KIAA1549L: variants seen among roughly 807,000 people sequenced by gnomAD.
KIAA1549L encodes the protein UPF0606 protein KIAA1549L.
KIAA1549L carries 88 observed loss-of-function variants against 160.7 expected under a neutral mutation model. The ratio of observed to expected loss-of-function variants is 0.55; its 90% CI spans 0.46 to 0.65. The LOEUF is 0.65. Among genes scored for constraint, KIAA1549L ranks in the 30% least tolerant of loss-of-function variants. The pLI is 0.00. For synonymous variants in KIAA1549L, 950 were observed against 976.7 expected (o/e 0.97, Z 0.51); for missense variants, 2,258 against 2,437.5 (o/e 0.93, Z 1.55).
intron 8 of KIAA1549L, among the ~76,000 whole-genome samples, chr11:33,565,197 T>C (rs1022275742): frequency 6.6e-6 from 1 of 151,948 alleles, no homozygotes; most frequent in African/African-American, 2.4e-5. Flanking sequence ...GCCTTCCAGG[T>C]GGACAGAGAG....
At chr11:33,581,340 A>G (rs1855636651) in intron 10 of KIAA1549L, among the ~76,000 whole-genome samples, 1 of 152,090 alleles carries the variant, frequency 6.6e-6, no homozygotes, top group Non-Finnish European at 1.5e-5. Context: ...TGTACGTGAG[A>G]ATAATTTATT....
At chr11:33,433,676 C>T (rs1321783304) in intron 1 of KIAA1549L, among the ~76,000 whole-genome samples, 1 of 152,100 alleles carries the variant, frequency 6.6e-6, no homozygotes, top group Admixed American at 6.5e-5. Context: ...ATAGCAAAGA[C>T]ATGGAACCAA....
intron 1 of KIAA1549L, among the ~76,000 whole-genome samples, chr11:33,526,768 A>G (rs967038694): frequency 6.6e-6 from 1 of 152,198 alleles, no homozygotes; most frequent in Non-Finnish European, 1.5e-5. Context: ...CTAAAAGACC[A>G]CATTAGCTCT....
intron 15 of KIAA1549L, 59 bp downstream of exon 15, chr11:33,610,025 C>A: frequency 1.5e-6 from 2 of 1,333,494 alleles, no homozygotes; most frequent in Non-Finnish European, 1.1e-6. Context: ...TAAGGGCAGG[C>A]CTTGGGCAGT....
At chr11:33,469,813 T>A (rs1852140751) in intron 1 of KIAA1549L, among the ~76,000 whole-genome samples, 2 of 152,232 alleles carry the variant, frequency 1.3e-5, no homozygotes, top group African/African-American at 4.8e-5. Flanking sequence ...TGTTTTTATG[T>A]CTTCTTTGGA....
chr11:33,591,860 G>GT (rs1461777467), intron 12 of KIAA1549L, among the ~76,000 whole-genome samples: 1 of 152,186 alleles, frequency 6.6e-6, no homozygotes, highest in African/African-American at 2.4e-5. Flanking sequence ...ACAAAAATGT[G>GT]TAAGATTGAT....
Position 33,544,122 on chromosome 11 carries a change from T to C in KIAA1549L, c.2559T>C (p.Ser853=). The C allele has an allele frequency of 1.2e-6, 2 of 1,613,988 alleles. No homozygotes were observed. Among genetic ancestry groups the C allele is most frequent in the Non-Finnish European group, 1.7e-6 (2 of 1,179,888 alleles). Residue 853 remains serine (S), a synonymous_variant, in exon 2 of 21, where the codon TCT becomes TCC. Transcript: ENST00000658780. The part of the protein sequence containing the change: ...PLLLTSPGPT[S]TGSLQEMLSD... ...TGCTAACCTCACCAGGACCAACTTC[T>C]ACAGGTAGCTTGCAGGAAATGCTTT... is the stretch of plus-strand genomic sequence containing the variant.
intron 1 of KIAA1549L, among the ~76,000 whole-genome samples, chr11:33,500,951 G>A (rs1852933954): frequency 1.3e-5 from 2 of 152,002 alleles, no homozygotes; most frequent in Admixed American, 1.3e-4. Flanking sequence ...TTTAGTTTGT[G>A]ATCTTATTAA....
intron 16 of KIAA1549L, among the ~76,000 whole-genome samples, chr11:33,624,417 T>G (rs541677428): frequency 2.0e-5 from 3 of 152,290 alleles, no homozygotes; most frequent in Admixed American, 2.0e-4. Flanking sequence ...GCCAAGCCCC[T>G]GCAGGAGCTG....
At chr11:33,569,634 C>T (rs1466662082) in intron 9 of KIAA1549L, among the ~76,000 whole-genome samples, 1 of 152,092 alleles carries the variant, frequency 6.6e-6, no homozygotes, top group East Asian at 1.9e-4. Context: ...ATCATCATGC[C>T]CCTGATGGAG....
intron 1 of KIAA1549L, among the ~76,000 whole-genome samples, chr11:33,462,608 T>C (rs1851962760): frequency 6.6e-6 from 1 of 152,178 alleles, no homozygotes; most frequent in Non-Finnish European, 1.5e-5. Flanking sequence ...ATTCAATGAT[T>C]AGGGGCTGGA....
In KIAA1549L at chr11:33,490,448, C is replaced by T. The variant is rs140797442; in HGVS notation, c.239-51354C>T. On this transcript the variant is annotated intron_variant, in intron 1 of 20. Coordinates refer to ENST00000658780, the MANE Select transcript of KIAA1549L (RefSeq NM_012194.3). ...AAGTGATCCTCCTACCTCAGCCTCCCGAGTAGCTGGGACCACAGGTGTGTG... is the reference window on the plus strand; with the variant it reads ...AAGTGATCCTCCTACCTCAGCCTCCTGAGTAGCTGGGACCACAGGTGTGTG... Among the ~76,000 whole-genome samples the T allele has an allele frequency of 7.0e-3, 1,065 of 151,962 alleles. 16 individuals carry two copies. Among genetic ancestry groups the T allele is most frequent in the African/African-American group, 0.025 (1,027 of 41,418 alleles).
intron 13 of KIAA1549L, among the ~76,000 whole-genome samples, chr11:33,601,546 T>G (rs900115554): frequency 6.6e-6 from 1 of 152,222 alleles, no homozygotes; most frequent in African/African-American, 2.4e-5. Flanking sequence ...CTTGCCAGCT[T>G]GCAAAAAGTA....
intron 6 of KIAA1549L, among the ~76,000 whole-genome samples, chr11:33,557,872 G>A (rs934910417): frequency 6.6e-6 from 1 of 152,102 alleles, no homozygotes; most frequent in African/African-American, 2.4e-5. Context: ...GCGGGACAGA[G>A]TGAGACCCTG....
At chr11:33,495,845 T>A (rs1852805084) in intron 1 of KIAA1549L, among the ~76,000 whole-genome samples, 2 of 151,872 alleles carry the variant, frequency 1.3e-5, no homozygotes, top group Admixed American at 1.3e-4. Context: ...GGTATCTCAT[T>A]GTGGTTTTGA....
chr11:33,657,104 C>G (rs981942490), intron 18 of KIAA1549L, among the ~76,000 whole-genome samples: 4 of 151,994 alleles, frequency 2.6e-5, no homozygotes, highest in Non-Finnish European at 4.4e-5. Flanking sequence ...GTAGCAGATG[C>G]CTGGAACAGT....
chr11:33,575,289 GAGACTTAAT>G (rs1320292681), intron 10 of KIAA1549L, among the ~76,000 whole-genome samples: 1 of 152,248 alleles, frequency 6.6e-6, no homozygotes, highest in Non-Finnish European at 1.5e-5. Context: ...AAGGAGCAGG[GAGACTTAAT>G]GCAGGTGCAG....
chr11:33,447,915 T>C (rs1565141533), intron 1 of KIAA1549L, among the ~76,000 whole-genome samples: 1 of 151,912 alleles, frequency 6.6e-6, no homozygotes, highest in Non-Finnish European at 1.5e-5. Context: ...GAGGAAAGAG[T>C]GAGCATTCCA....
intron 9 of KIAA1549L, among the ~76,000 whole-genome samples, chr11:33,568,998 T>C (rs959789016): frequency 1.3e-5 from 2 of 152,218 alleles, no homozygotes; most frequent in African/African-American, 4.8e-5. Flanking sequence ...AGAATTAAGC[T>C]TTAGTCATTG....
Sources: gnomAD v4.1 joint callset for allele counts (sites outside exome capture counted in the v4.1 genomes callset) on GRCh38, gnomAD v4.1.1 for gene constraint, MANE v1.5 for transcripts, NCBI Gene and HGNC (gene_info 2026-07-23, HGNC 2026-07-21) for gene names.